Variants in ZNF169 observed in about 807,000 individuals in gnomAD.
ZNF169 encodes the protein zinc finger protein 169.
In ZNF169, 11 loss-of-function variants were observed where a neutral mutation model predicts 12.0. That is an observed-to-expected ratio of 0.92 (90% confidence interval 0.58 to 1.52). The LOEUF (loss-of-function observed/expected upper bound fraction) is 1.52. Ranked by LOEUF, ZNF169 falls within the 40% of genes most tolerant of loss-of-function variation. The pLI is 0.00. For synonymous variants in ZNF169, 302 were observed against 286.5 expected (o/e 1.05, Z -0.55); for missense variants, 722 against 744.0 (o/e 0.97, Z 0.34).
chr9:94,292,703 C>G, intron 3 of ZNF169: 1 of 642,534 alleles, frequency 1.6e-6, no homozygotes, highest in Non-Finnish European at 2.6e-6. Flanking sequence ...CCTGTTTACC[C>G]TGGCTGGGCT....
intron 1 of ZNF169, among the ~76,000 whole-genome samples, chr9:94,272,683 T>C (rs1350622392): frequency 6.6e-6 from 1 of 152,174 alleles, no homozygotes; most frequent in African/African-American, 2.4e-5. Context: ...TATCCGTTCA[T>C]ACATTGAATG....
rs904427021 is a variant in ZNF169, at chr9:94,299,642, G to A, written c.257-173G>A. ...ATGCTTTTTTGAACCTTTTAGTTTG[G>A]CTGATAGGACTAGTTTGTAGTGTGG... On this transcript the variant is annotated intron_variant, in intron 4 of 4. Coordinates refer to ENST00000395395, the MANE Select transcript of ZNF169 (RefSeq NM_194320.4). The A allele has an allele frequency of 2.9e-6, 4 of 1,395,924 alleles. No individual in the cohort carries two copies. In the African/African-American group the frequency reaches 5.8e-5, roughly 20 times the overall value. 86.5% of individuals were successfully genotyped at this position (1,395,924 alleles called of 1,614,324 possible).
At chr9:94,275,201 C>T (rs1218293771) in intron 1 of ZNF169, among the ~76,000 whole-genome samples, 1 of 152,224 alleles carries the variant, frequency 6.6e-6, no homozygotes, top group Admixed American at 6.5e-5. Flanking sequence ...TGTGCCACTG[C>T]ATCCAGCCTT....
At chr9:94,269,442 T>G (rs1830353189) in intron 1 of ZNF169, among the ~76,000 whole-genome samples, 1 of 152,152 alleles carries the variant, frequency 6.6e-6, no homozygotes, top group Non-Finnish European at 1.5e-5. Context: ...ACATGCAGAT[T>G]TGCGCATGCA....
intron 1 of ZNF169, among the ~76,000 whole-genome samples, chr9:94,274,747 G>A (rs1041671970): frequency 6.6e-6 from 1 of 152,152 alleles, no homozygotes; most frequent in African/African-American, 2.4e-5. Flanking sequence ...TAATATTTCA[G>A]GGAGGCATGA....
At chr9:94,281,728 G>A (rs1215055881) in intron 2 of ZNF169, among the ~76,000 whole-genome samples, 1 of 152,148 alleles carries the variant, frequency 6.6e-6, no homozygotes, top group African/African-American at 2.4e-5. Context: ...GTTCAGAAAG[G>A]CGGGACAACT....
chr9:94,295,304 G>A (rs1830928373), intron 4 of ZNF169: 3 of 151,976 alleles, frequency 2.0e-5, no homozygotes, highest in African/African-American at 4.8e-5. Flanking sequence ...CTCCAGCCTG[G>A]GCTACAGAGT....
At chr9:94,276,354 C>G (rs1196929020) in intron 1 of ZNF169, among the ~76,000 whole-genome samples, 1 of 151,746 alleles carries the variant, frequency 6.6e-6, no homozygotes, top group East Asian at 2.0e-4. Flanking sequence ...CAACCTCCAC[C>G]TCCCAGGTTC....
intron 2 of ZNF169, among the ~76,000 whole-genome samples, chr9:94,287,543 T>A (rs903881128): frequency 2.0e-5 from 3 of 152,134 alleles, no homozygotes; most frequent in Non-Finnish European, 4.4e-5. Flanking sequence ...TTTTTGTATT[T>A]TTAGTAGAGA....
At chr9:94,261,358 TTGAACTCC>T (rs1830206515) in intron 1 of ZNF169, among the ~76,000 whole-genome samples, 1 of 152,176 alleles carries the variant, frequency 6.6e-6, no homozygotes, top group Non-Finnish European at 1.5e-5. Context: ...CAGGCTGGTC[TTGAACTCC>T]TGACCTCCTG....
Position 94,278,833 on chromosome 9 carries a change from A to C in ZNF169, c.21A>C (p.Thr7=). 4 of 1,614,022 alleles carry C rather than the reference A, an allele frequency of 2.5e-6. No homozygotes were observed. The highest frequency in any genetic ancestry group is 3.4e-6 in the Non-Finnish European group (4 of 1,179,970). ...GGGATATGTCACCAGGACTCCTGAC[A>C]ACCAGGAAGGAGGTAAGTCCTGAAA... MSPGLL[T]TRKEALMAFR... The change falls in exon 2 of 5, where the codon ACA becomes ACC. Residue 7 remains threonine (T), a synonymous_variant. Transcript: ENST00000395395.
chr9:94,289,975 C>T (rs545544455), intron 2 of ZNF169, among the ~76,000 whole-genome samples: 4 of 152,294 alleles, frequency 2.6e-5, no homozygotes, highest in African/African-American at 9.6e-5. Flanking sequence ...AATGCATATT[C>T]TTTTCATGTG....
At chr9:94,286,386 T>C (rs1052756617) in intron 2 of ZNF169, among the ~76,000 whole-genome samples, 4 of 152,156 alleles carry the variant, frequency 2.6e-5, no homozygotes, top group African/African-American at 9.7e-5. Context: ...TATGAGTCCT[T>C]CTAGTGAATC....
intron 4 of ZNF169, chr9:94,299,454 C>T: frequency 4.3e-6 from 4 of 936,854 alleles, no homozygotes; most frequent in Non-Finnish European, 5.6e-6. Flanking sequence ...GCAGCTCAGA[C>T]ACCAAGTTCT....
Position 94,300,698 on chromosome 9 carries a change from G to A in ZNF169, c.1140G>A (p.Gly380=). Residue 380 remains glycine, a synonymous_variant, in exon 5 of 5, where the codon GGG becomes GGA. Transcript: ENST00000395395. ...GGCCCTTCCTGTGCCTTGAGTGTGGGCGTAGCTTCAGGCAGCAGTCACTCC... is the reference window on the plus strand; with the variant it reads ...GGCCCTTCCTGTGCCTTGAGTGTGGACGTAGCTTCAGGCAGCAGTCACTCC... ...GERPFLCLEC[G]RSFRQQSLLL... The A allele has an allele frequency of 2.5e-6, 4 of 1,613,772 alleles. No homozygotes were observed. Among genetic ancestry groups the A allele is most frequent in the Non-Finnish European group, 2.5e-6 (3 of 1,179,780 alleles).
intron 4 of ZNF169, chr9:94,294,414 G>A (rs1830910724): frequency 6.6e-6 from 1 of 152,084 alleles, no homozygotes; most frequent in Admixed American, 6.6e-5. Context: ...CTCCAGCCTA[G>A]GTGACAGAGC....
chr9:94,299,303 CT>C, intron 4 of ZNF169: 1 of 399,892 alleles, frequency 2.5e-6, no homozygotes, highest in Non-Finnish European at 4.4e-6. Flanking sequence ...GAGCCAGTAT[CT>C]CTTGCTACAG....
intron 4 of ZNF169, 96 bp downstream of exon 4, chr9:94,293,165 T>A: frequency 9.0e-7 from 1 of 1,114,228 alleles, no homozygotes; most frequent in Non-Finnish European, 1.3e-6. Flanking sequence ...AGGAGGAAGT[T>A]CTTCTTCAGG....
chr9:94,282,052 G>C (rs1335818491), intron 2 of ZNF169, among the ~76,000 whole-genome samples: 1 of 152,176 alleles, frequency 6.6e-6, no homozygotes, highest in African/African-American at 2.4e-5. Context: ...TCCCACAAGA[G>C]ACTTTGCAGA....
Sources: allele counts gnomAD v4.1 joint callset (sites outside exome capture counted in the v4.1 genomes callset), GRCh38; gene constraint gnomAD v4.1.1; transcripts MANE v1.5; gene names NCBI Gene and HGNC (gene_info 2026-07-23, HGNC 2026-07-21).